Variants in VXN observed in about 807,000 individuals in gnomAD.
VXN encodes the protein uncharacterized protein C8orf46.
VXN carries 7 observed loss-of-function variants against 23.1 expected under a neutral mutation model. The ratio of observed to expected loss-of-function variants is 0.30; its 90% CI spans 0.17 to 0.57. The LOEUF (loss-of-function observed/expected upper bound fraction) is 0.57. Ranked by LOEUF, VXN falls within the 20% of genes least tolerant of loss-of-function variation. VXN has a pLI of 0.91. For synonymous variants in VXN, 120 were observed against 105.8 expected (o/e 1.13, Z -0.83); for missense variants, 238 against 272.6 (o/e 0.87, Z 0.89).
rs770279245 is a variant in VXN at position 66,513,571 on chromosome 8, C to T, written c.374C>T (p.Thr125Ile). 1 of 1,614,204 alleles carries T rather than the reference C, an allele frequency of 6.2e-7. No individual in the cohort carries two copies. The highest frequency in any genetic ancestry group is 1.1e-5 in the South Asian group (1 of 91,080). Reference sequence around the variant, plus strand: ...CCAGTGCCCCGGATCTCAGTGAAAACTTCAGCCTCTGCCTCATTGGAGGCG... The same window carrying T: ...CCAGTGCCCCGGATCTCAGTGAAAATTTCAGCCTCTGCCTCATTGGAGGCG... ...IPPVPRISVK[T>I]SASASLEATA... The change falls in exon 5 of 6, where the codon ACT (threonine) becomes ATT (isoleucine). Residue 125 changes from threonine to isoleucine, a missense_variant. Around this residue, in one of 2 missense-constraint regions of VXN, gnomAD observed 223 missense variants for 236.9 expected, o/e 0.94. Coordinates refer to ENST00000305454, the MANE Select transcript of VXN (RefSeq NM_152765.4).
intron 4 of VXN, among the ~76,000 whole-genome samples, chr8:66,512,904 T>C (rs1807841089): frequency 6.6e-6 from 1 of 152,206 alleles, no homozygotes; most frequent in Non-Finnish European, 1.5e-5. Flanking sequence ...GAGGGCGTCC[T>C]GTGCTGAGGA....
At position 66,506,226 on chromosome 8, in the gene VXN, A is replaced by T. The variant is rs1321104423; in HGVS notation, c.280+698A>T. On this transcript the variant is annotated intron_variant, in intron 3 of 5. Transcript: ENST00000305454. ...ATTTAACAGAGAGAGAGAGAGAGAG[A>T]GAGACAGTGTGTGTGTGTGTGTGTG... Among the ~76,000 whole-genome samples, 204 of 132,774 alleles carry T rather than the reference A, an allele frequency of 1.5e-3. 1 individual carries two copies. Among genetic ancestry groups the T allele is most frequent in the African/African-American group, 4.5e-3 (144 of 31,972 alleles). 87.1% of individuals were successfully genotyped at this position (132,774 alleles called of 152,430 possible). A position where few individuals can be genotyped will look rare whatever the true frequency, so the allele number is the denominator to read the frequency against.
In VXN at chr8:66,516,026, A is replaced by G; in HGVS notation, c.574A>G (p.Lys192Glu). Residue 192 changes from lysine to glutamate, a missense_variant, in exon 6 of 6, where the codon AAG becomes GAG. This residue lies in a region of VXN where 223 missense variants were observed against 236.9 expected (regional missense o/e 0.94). Transcript: ENST00000305454. The stretch of plus-strand genomic sequence containing the variant: ...CCGGAAAATGTGGACAAGGCACAAG[A>G]AGAAGTCTGAATATGTGGGAGCCAC... ...ILRKMWTRHK[K>E]KSEYVGATNS... The G allele has an allele frequency of 6.2e-7, 1 of 1,613,564 alleles. No individual in the cohort carries two copies. The highest frequency in any genetic ancestry group is 8.5e-7 in the Non-Finnish European group (1 of 1,179,948).
chr8:66,502,244 G>A (rs1320816149), intron 2 of VXN, among the ~76,000 whole-genome samples: 1 of 152,072 alleles, frequency 6.6e-6, no homozygotes, highest in Non-Finnish European at 1.5e-5. Context: ...CACTATCATA[G>A]GAGTAACTCA....
chr8:66,506,619 A>G (rs1414313425), intron 3 of VXN, among the ~76,000 whole-genome samples: 2 of 152,182 alleles, frequency 1.3e-5, no homozygotes, highest in Non-Finnish European at 2.9e-5. Flanking sequence ...GGCGTTGGCA[A>G]CTTTGCATAT....
intron 2 of VXN, chr8:66,505,156 C>G: frequency 1.4e-6 from 1 of 708,630 alleles, no homozygotes; most frequent in Non-Finnish European, 2.5e-6. Context: ...ATTTGCTTGC[C>G]CCATGGCACC....
chr8:66,494,196 T>C (rs1039143249), intron 1 of VXN, among the ~76,000 whole-genome samples: 1 of 152,332 alleles, frequency 6.6e-6, no homozygotes, highest in Admixed American at 6.5e-5. Flanking sequence ...GAGAGCGCCC[T>C]GACCCTGGGC....
chr8:66,496,288 T>A (rs180750709), intron 1 of VXN, 149 bp from the exon 2 acceptor site: 2 of 679,546 alleles, frequency 2.9e-6, no homozygotes, highest in African/African-American at 3.6e-5. Context: ...AAGTAACATC[T>A]TCAATCGCAA....
In VXN at chr8:66,512,010, G is replaced by A. The variant is rs147364585; in HGVS notation, c.343-1530G>A. Among the ~76,000 whole-genome samples the A allele has an allele frequency of 2.9e-3, 427 of 149,030 alleles. 1 individual carries two copies. Among genetic ancestry groups the A allele is most frequent in the African/African-American group, 1.0e-2 (402 of 40,354 alleles). Reference sequence around the variant, plus strand: ...GAACACAGGAGGCAGAGTTTGCAGTGAGCCAAAATCTGCCACTGCACTCCA... The same window carrying A: ...GAACACAGGAGGCAGAGTTTGCAGTAAGCCAAAATCTGCCACTGCACTCCA... On this transcript the variant is annotated intron_variant, in intron 4 of 5. Transcript: ENST00000305454.
At chr8:66,501,833 G>A (rs1002594732) in intron 2 of VXN, among the ~76,000 whole-genome samples, 128 of 152,254 alleles carry the variant, frequency 8.4e-4, no homozygotes, top group African/African-American at 3.0e-3. Flanking sequence ...GGTCTCTTGT[G>A]TCCCCAACCA....
intron 3 of VXN, 51 bp downstream of exon 3, chr8:66,505,579 CA>C: frequency 7.0e-7 from 1 of 1,432,210 alleles, no homozygotes; most frequent in Non-Finnish European, 9.1e-7. Context: ...CGCAGAGACC[CA>C]CTCAGAGCCA....
At chr8:66,509,513 A>G (rs1807796851) in intron 3 of VXN, among the ~76,000 whole-genome samples, 1 of 152,188 alleles carries the variant, frequency 6.6e-6, no homozygotes. Flanking sequence ...CAGCACAGGC[A>G]TGACTTCTCT....
chr8:66,500,868 ATTTT>A (rs1172553891), intron 2 of VXN, among the ~76,000 whole-genome samples: 46 of 114,158 alleles, frequency 4.0e-4, no homozygotes, highest in African/African-American at 1.5e-3. Flanking sequence ...AAAGGACATG[ATTTT>A]TTTTTTTTTT....
Position 66,513,533 on chromosome 8 carries a change from A to G in VXN, c.343-7A>G, listed in dbSNP as rs772341086. The G allele has an allele frequency of 9.3e-6, 15 of 1,613,554 alleles. No homozygotes were observed. Among genetic ancestry groups the G allele is most frequent in the Admixed American group, 8.3e-5 (5 of 60,012 alleles). The stretch of plus-strand genomic sequence containing the variant: ...TCCTCACACTCCCTCCCGCTTCCTC[A>G]TGACAGATACCGCCAGTGCCCCGGA... On this transcript the variant is annotated splice_region_variant and splice_polypyrimidine_tract_variant and intron_variant, in intron 4 of 5. Coordinates refer to ENST00000305454, the MANE Select transcript of VXN (RefSeq NM_152765.4).
chr8:66,510,211 A>G, intron 4 of VXN, 54 bp downstream of exon 4: 1 of 1,403,368 alleles, frequency 7.1e-7, no homozygotes, highest in Non-Finnish European at 9.9e-7. Flanking sequence ...ACTTCTGGTC[A>G]TGTCTGATTC....
At chr8:66,500,539 T>C (rs1807679217) in intron 2 of VXN, among the ~76,000 whole-genome samples, 1 of 152,198 alleles carries the variant, frequency 6.6e-6, no homozygotes, top group African/African-American at 2.4e-5. Context: ...GCCTTTTTCT[T>C]ATTTTAGATT....
At chr8:66,493,899 C>T (rs1415024719) in intron 1 of VXN, among the ~76,000 whole-genome samples, 181 bp downstream of exon 1, 1 of 152,114 alleles carries the variant, frequency 6.6e-6, no homozygotes, top group Non-Finnish European at 1.5e-5. Context: ...ACATCAATCA[C>T]TGAGAAACAA....
intron 4 of VXN, 111 bp from the exon 5 acceptor site, chr8:66,513,429 G>A (rs556503246): frequency 4.2e-5 from 37 of 886,394 alleles, no homozygotes; most frequent in Non-Finnish European, 6.7e-5. Flanking sequence ...TGAGGACTAT[G>A]CCCAGGCGGT....
intron 2 of VXN, among the ~76,000 whole-genome samples, chr8:66,496,949 A>T (rs961114515): frequency 6.6e-6 from 1 of 152,094 alleles, no homozygotes; most frequent in African/African-American, 2.4e-5. Context: ...CAATGGCACA[A>T]TCTCTGCTCA....
Sources: gnomAD v4.1 joint callset for allele counts (sites outside exome capture counted in the v4.1 genomes callset) on GRCh38, gnomAD v4.1.1 for gene constraint, gnomAD v4.1.1 regional missense constraint, MANE v1.5 for transcripts, NCBI Gene and HGNC (gene_info 2026-07-23, HGNC 2026-07-21) for gene names.